Variants in ASTN2 observed in about 807,000 individuals in gnomAD.
ASTN2 encodes astrotactin 2, also known as astrotactin-2.
ASTN2 carries 54 observed loss-of-function variants against 139.8 expected under a neutral mutation model. The observed-to-expected ratio is 0.39, with a 90% confidence interval of 0.31 to 0.48. The LOEUF (loss-of-function observed/expected upper bound fraction) is 0.48. Among genes scored for constraint, ASTN2 ranks in the 20% least tolerant of loss-of-function variants. The pLI is 0.95. For synonymous variants in ASTN2, 756 were observed against 719.5 expected (o/e 1.05, Z -0.81); for missense variants, 1,565 against 1,725.1 (o/e 0.91, Z 1.64).
chr9:117,385,572 CA>C (rs777013766), intron 1 of ASTN2, among the ~76,000 whole-genome samples: 35 of 151,798 alleles, frequency 2.3e-4, no homozygotes, highest in Non-Finnish European at 4.7e-4. Context: ...TGAGGGGATG[CA>C]GGAGTAGGAG....
intron 5 of ASTN2, among the ~76,000 whole-genome samples, chr9:117,064,046 A>G (rs1468917113): frequency 2.0e-5 from 3 of 151,982 alleles, no homozygotes; most frequent in African/African-American, 4.8e-5. Flanking sequence ...ATGTCAAGGG[A>G]CTTTGCTGTT....
At chr9:117,324,251 G>A (rs1202860397) in intron 1 of ASTN2, among the ~76,000 whole-genome samples, 1 of 152,160 alleles carries the variant, frequency 6.6e-6, no homozygotes, top group African/African-American at 2.4e-5. Context: ...ACAGATATGT[G>A]AACATAAGGA....
rs1026456573 is a variant in ASTN2 at position 116,466,654 on chromosome 9, G to C, written c.3497+20705C>G. ...AGAGTTTTGGCATCAGAATGACCTA[G>C]ATATGGACCCGGCTTTGTGCTTCTG... On this transcript the variant is annotated intron_variant, in intron 20 of 22. Coordinates refer to ENST00000313400, the MANE Select transcript of ASTN2 (RefSeq NM_001365068.1). 2.0e-5 allele frequency among the ~76,000 whole-genome samples: 3 copies of C among 152,292 alleles called. No homozygotes were observed. In the East Asian group the frequency reaches 5.8e-4, roughly 29 times the overall value.
chr9:117,122,996 G>A (rs1354853469), intron 4 of ASTN2, among the ~76,000 whole-genome samples: 2 of 152,118 alleles, frequency 1.3e-5, no homozygotes, highest in Non-Finnish European at 2.9e-5. Context: ...GCTGGAATCA[G>A]TGACCTCCAG....
chr9:116,634,589 C>CAAAAAAAAAAAAAA (rs57882262), intron 17 of ASTN2, among the ~76,000 whole-genome samples: 4 of 104,240 alleles, frequency 3.8e-5, no homozygotes, highest in Non-Finnish European at 5.8e-5. Context: ...GACTCCGTCT[C>CAAAAAAAAAAAAAA]AAAAAAAAAA....
At chr9:116,695,440 G>C (rs1860795045) in intron 16 of ASTN2, among the ~76,000 whole-genome samples, 1 of 152,184 alleles carries the variant, frequency 6.6e-6, no homozygotes, top group Admixed American at 6.5e-5. Flanking sequence ...CTATATATTT[G>C]TCAGATTGCA....
intron 4 of ASTN2, among the ~76,000 whole-genome samples, chr9:117,109,030 A>G (rs2132782858): frequency 6.6e-6 from 1 of 152,216 alleles, no homozygotes; most frequent in East Asian, 1.9e-4. Flanking sequence ...CACGGCTGTA[A>G]TCCTAGCAGT....
At chr9:116,769,086 T>C (rs1290702188) in intron 13 of ASTN2, among the ~76,000 whole-genome samples, 1 of 152,154 alleles carries the variant, frequency 6.6e-6, no homozygotes, top group Non-Finnish European at 1.5e-5. Context: ...TCTGAAAGTC[T>C]GTAGCCCAGA....
At chr9:117,312,675 T>C (rs944250140) in intron 1 of ASTN2, among the ~76,000 whole-genome samples, 7 of 152,202 alleles carry the variant, frequency 4.6e-5, no homozygotes, top group Admixed American at 2.6e-4. Context: ...GTCTTGGTTC[T>C]TAAGTCATCA....
chr9:116,911,400 A>G (rs975635841), intron 10 of ASTN2, among the ~76,000 whole-genome samples: 6 of 152,216 alleles, frequency 3.9e-5, no homozygotes, highest in African/African-American at 1.4e-4. Flanking sequence ...GAAGACTGAA[A>G]AACTGTCTCT....
chr9:116,882,994 A>T (rs1833490052), intron 10 of ASTN2, among the ~76,000 whole-genome samples: 1 of 152,244 alleles, frequency 6.6e-6, no homozygotes, highest in Non-Finnish European at 1.5e-5. Context: ...AAATGTATCA[A>T]AACTCGAAGT....
intron 5 of ASTN2, among the ~76,000 whole-genome samples, chr9:117,071,757 G>A (rs150047237): frequency 2.7e-5 from 4 of 150,632 alleles, no homozygotes; most frequent in African/African-American, 9.8e-5. Context: ...ATACTCGGGT[G>A]GGAGTGACCC....
chr9:116,993,721 A>C (rs1282702810), intron 7 of ASTN2, among the ~76,000 whole-genome samples: 8 of 147,940 alleles, frequency 5.4e-5, no homozygotes, highest in Non-Finnish European at 1.0e-4. Context: ...TATTATATAT[A>C]GTACATTATA....
intron 3 of ASTN2, among the ~76,000 whole-genome samples, chr9:117,165,724 A>G (rs1200149586): frequency 6.6e-6 from 1 of 152,042 alleles, no homozygotes; most frequent in Non-Finnish European, 1.5e-5. Flanking sequence ...CTTTCTCCAT[A>G]ATTTCAGCTG....
Position 117,134,431 on chromosome 9 carries a change from TCTC to T in ASTN2, c.1168+6892_1168+6894del, listed in dbSNP as rs1427041152. ...AAGGATAAAGGAGCCAGAATTTGCT[TCTC>T]CTCCCAACTGTGGGATGCTGCTGGG... On this transcript the variant is annotated intron_variant, in intron 4 of 22. Transcript: ENST00000313400. Among the ~76,000 whole-genome samples the T allele has an allele frequency of 3.3e-5, 5 of 151,472 alleles. 1 individual carries two copies. The highest frequency in any genetic ancestry group is 1.2e-4 in the African/African-American group (5 of 41,158).
intron 13 of ASTN2, among the ~76,000 whole-genome samples, chr9:116,766,059 T>C (rs1028988813): frequency 6.6e-6 from 1 of 152,116 alleles, no homozygotes; most frequent in Non-Finnish European, 1.5e-5. Flanking sequence ...AGAAAATGTA[T>C]CTAAGGTGTT....
intron 10 of ASTN2, among the ~76,000 whole-genome samples, chr9:116,879,348 CA>C (rs1184087075): frequency 1.9e-3 from 7 of 3,600 alleles, no homozygotes; most frequent in African/African-American, 6.8e-3. Context: ...GAGACAGAGA[CA>C]GACAGACAGA....
At chr9:117,316,127 C>A (rs571886187) in intron 1 of ASTN2, among the ~76,000 whole-genome samples, 2 of 152,302 alleles carry the variant, frequency 1.3e-5, no homozygotes, top group East Asian at 3.9e-4. Flanking sequence ...CTCAAACACT[C>A]CACTTTCTCG....
chr9:116,633,724 G>A (rs1253573654), intron 17 of ASTN2, among the ~76,000 whole-genome samples: 1 of 152,192 alleles, frequency 6.6e-6, no homozygotes, highest in East Asian at 1.9e-4. Flanking sequence ...AGGTATCTGA[G>A]GGAGGAAGCC....
Sources: gnomAD v4.1 joint callset for allele counts (sites outside exome capture counted in the v4.1 genomes callset) on GRCh38, gnomAD v4.1.1 for gene constraint, MANE v1.5 for transcripts, NCBI Gene and HGNC (gene_info 2026-07-23, HGNC 2026-07-21) for gene names.